The following NYAP2 variants were observed in gnomAD, a reference collection of about 807,000 sequenced individuals.
The protein encoded by NYAP2 is neuronal tyrosine-phosphorylated phosphoinositide-3-kinase adapter 2.
Under a neutral mutation model 50.4 loss-of-function variants are expected in NYAP2, and 23 were observed. The observed-to-expected ratio is 0.46, with a 90% confidence interval of 0.33 to 0.65. The LOEUF is 0.65. Ranked by LOEUF, NYAP2 falls within the 30% of genes least tolerant of loss-of-function variation. The pLI, the probability that NYAP2 is intolerant of heterozygous loss-of-function variation, is 0.02. For missense variants in NYAP2, 885 were observed against 861.0 expected, an observed-to-expected ratio of 1.03 and a Z score of -0.35; for synonymous variants, 394 against 365.2, an observed-to-expected ratio of 1.08 and a Z score of -0.90.
intron 3 of NYAP2, among the ~76,000 whole-genome samples, chr2:225,445,070 G>A (rs1689531331): frequency 6.6e-6 from 1 of 152,012 alleles, no homozygotes; most frequent in Non-Finnish European, 1.5e-5. Context: ...CTGTAGTTTG[G>A]AAAAAATATA....
intron 2 of NYAP2, among the ~76,000 whole-genome samples, chr2:225,404,871 G>A (rs960785596): frequency 7.9e-5 from 12 of 152,102 alleles, no homozygotes; most frequent in East Asian, 1.9e-4. Flanking sequence ...GAGGGAGGAT[G>A]TAAAGGTATC....
At chr2:225,541,638 C>A (rs1691475510) in intron 4 of NYAP2, among the ~76,000 whole-genome samples, 1 of 152,074 alleles carries the variant, frequency 6.6e-6, no homozygotes, top group Admixed American at 6.6e-5. Context: ...CTGTTCTGTT[C>A]CATTGGTCTA....
At chr2:225,567,579 A>G (rs988455233) in intron 4 of NYAP2, among the ~76,000 whole-genome samples, 2 of 152,062 alleles carry the variant, frequency 1.3e-5, no homozygotes, top group African/African-American at 2.4e-5. Flanking sequence ...GGAAGTTCAC[A>G]AGAAAGAAAG....
chr2:225,535,475 C>T (rs1038833511), intron 4 of NYAP2, among the ~76,000 whole-genome samples: 1 of 152,060 alleles, frequency 6.6e-6, no homozygotes, highest in Non-Finnish European at 1.5e-5. Flanking sequence ...TAGTGCATCA[C>T]AAGGAGGTCA....
intron 5 of NYAP2, among the ~76,000 whole-genome samples, chr2:225,615,333 G>A (rs1186348668): frequency 6.6e-6 from 1 of 152,138 alleles, no homozygotes; most frequent in Non-Finnish European, 1.5e-5. Context: ...CAAAGAAAAT[G>A]TTACTGAAAT....
intron 3 of NYAP2, among the ~76,000 whole-genome samples, chr2:225,477,209 G>T: frequency 6.9e-6 from 1 of 145,642 alleles, no homozygotes. Flanking sequence ...TTCTGATTTA[G>T]CAGGTCTGAG....
chr2:225,510,325 C>T (rs1051931179), intron 3 of NYAP2, among the ~76,000 whole-genome samples: 3 of 152,142 alleles, frequency 2.0e-5, no homozygotes, highest in African/African-American at 7.2e-5. Context: ...ATGGCCCTAA[C>T]TATTGTTCTT....
chr2:225,522,189 A>G (rs888939281), intron 4 of NYAP2, among the ~76,000 whole-genome samples: 1 of 151,568 alleles, frequency 6.6e-6, no homozygotes, highest in Admixed American at 6.6e-5. Flanking sequence ...GTCTTGCTTT[A>G]TTAACCTTTA....
At chr2:225,398,621 A>T (rs1694807842), upstream of NYAP2, among the ~76,000 whole-genome samples, 1 of 55,918 alleles carries the variant, frequency 1.8e-5, no homozygotes, top group African/African-American at 1.3e-4. Context: ...AACCTTCATA[A>T]GGCAGAGAGA....
the NYAP2 span, among the ~76,000 whole-genome samples, chr2:225,694,542 C>A: frequency 6.6e-6 from 1 of 151,570 alleles, no homozygotes; most frequent in African/African-American, 2.4e-5. Context: ...CATTGGAGTT[C>A]GATTTTGAGA....
chr2:225,484,768 C>T (rs1038990376), intron 3 of NYAP2, among the ~76,000 whole-genome samples: 2 of 152,220 alleles, frequency 1.3e-5, no homozygotes, highest in South Asian at 2.1e-4. Flanking sequence ...TACTTGAACA[C>T]GTGCTTTGAA....
At chr2:225,642,523 T>C (rs1019098047) in intron 6 of NYAP2, among the ~76,000 whole-genome samples, 1 of 152,160 alleles carries the variant, frequency 6.6e-6, no homozygotes, top group Admixed American at 6.6e-5. Context: ...TAGGAAGTGA[T>C]GGGAGTTTAG....
In NYAP2 at chr2:225,486,796, G is replaced by T. The variant is rs571212856; in HGVS notation, c.222-26575G>T. Among the ~76,000 whole-genome samples the T allele has an allele frequency of 1.4e-4, 22 of 152,218 alleles. 1 individual carries two copies. The highest frequency in any genetic ancestry group is 6.8e-3 in the Middle Eastern group (2 of 294). On this transcript the variant is annotated intron_variant, in intron 3 of 6. Transcript: ENST00000636099. The stretch of plus-strand genomic sequence containing the variant: ...TCCCTTCACAGTTCAACCTCCCTGG[G>T]CCCTCCCCTTTGGGAAAATTATCAG...
At chr2:225,658,997 T>A (rs934053824), downstream of NYAP2, among the ~76,000 whole-genome samples, 1 of 152,188 alleles carries the variant, frequency 6.6e-6, no homozygotes, top group Admixed American at 6.5e-5. Flanking sequence ...AGTAACTCCA[T>A]TATAGAGTGG....
At chr2:225,513,427 G>A (rs374800176) in exon 4 of NYAP2, 9 of 1,613,980 alleles carry the variant, frequency 5.6e-6, no homozygotes, top group Non-Finnish European at 7.6e-6. Flanking sequence ...AAACATTTCC[G>A]CATGGGATTC....
chr2:225,640,597 A>AT lies in NYAP2; in HGVS notation c.1829-10826dup, dbSNP rs563498276. 4.1e-3 allele frequency among the ~76,000 whole-genome samples: 617 copies of AT among 150,378 alleles called. 3 individuals are homozygous for AT. The highest frequency in any genetic ancestry group is 0.013 in the African/African-American group (525 of 40,986). On this transcript the variant is annotated intron_variant, in intron 6 of 6. Transcript: ENST00000636099. ...TCAAACCCTTTGTGTTCTTATTCCC[A>AT]TTTTTTTTTCTAGGAAGGTGGTTAG...
intron 4 of NYAP2, among the ~76,000 whole-genome samples, chr2:225,544,393 G>A (rs1197329351): frequency 6.6e-6 from 1 of 151,562 alleles, no homozygotes; most frequent in Non-Finnish European, 1.5e-5. Context: ...CTCGTGGTAG[G>A]ATTAAATTTC....
chr2:225,433,144 A>G (rs1233712700), intron 3 of NYAP2, among the ~76,000 whole-genome samples: 1 of 152,354 alleles, frequency 6.6e-6, no homozygotes, highest in East Asian at 1.9e-4. Context: ...TTAAATACTT[A>G]TTGTAAGTAT....
chr2:225,518,414 A>G (rs1690973424), intron 4 of NYAP2, among the ~76,000 whole-genome samples: 1 of 150,348 alleles, frequency 6.7e-6, no homozygotes, highest in Non-Finnish European at 1.5e-5. Flanking sequence ...AATAAATTCA[A>G]AACATCTACG....
Sources: gnomAD v4.1 joint callset for allele counts (sites outside exome capture counted in the v4.1 genomes callset) on GRCh38, gnomAD v4.1.1 for gene constraint, MANE v1.5 for transcripts, NCBI Gene and HGNC (gene_info 2026-07-23, HGNC 2026-07-21) for gene names.